The following GPATCH2 variants were observed in gnomAD, a reference collection of about 807,000 sequenced individuals.
The protein encoded by GPATCH2 is G patch domain-containing protein 2.
A neutral mutation model predicts 58.0 loss-of-function variants in GPATCH2; 51 were observed. The ratio of observed to expected loss-of-function variants is 0.88; its 90% CI spans 0.70 to 1.11. The LOEUF is 1.11. Among genes scored for constraint, GPATCH2 ranks in the 50% most tolerant of loss-of-function variants. GPATCH2 has a pLI of 0.00. For synonymous variants in GPATCH2, 222 were observed against 218.5 expected, an observed-to-expected ratio of 1.02 and a Z score of -0.14; for missense variants, 625 against 652.2, an observed-to-expected ratio of 0.96 and a Z score of 0.45.
chr1:217,538,355 A>G (rs1042348842), intron 5 of GPATCH2, among the ~76,000 whole-genome samples: 1 of 152,244 alleles, frequency 6.6e-6, no homozygotes, highest in African/African-American at 2.4e-5. Context: ...TAATGTCACT[A>G]AAATGATGTT....
intron 5 of GPATCH2, among the ~76,000 whole-genome samples, chr1:217,519,467 G>A (rs1663340471): frequency 6.6e-6 from 1 of 152,118 alleles, no homozygotes; most frequent in Non-Finnish European, 1.5e-5. Context: ...TCATTTATAA[G>A]ATTAAAAGGA....
chr1:217,614,215 AAAAG>A lies in GPATCH2; in HGVS notation c.774-17_774-14del, dbSNP rs765479532. The A allele has an allele frequency of 6.7e-7, 1 of 1,502,030 alleles. No homozygotes were observed. Among genetic ancestry groups the A allele is most frequent in the Admixed American group, 1.7e-5 (1 of 59,282 alleles). 93.0% of individuals were successfully genotyped at this position (1,502,030 alleles called of 1,614,324 possible). ...ACTGCTGGAATCACTGTAATAAGGAAAAAGAAAGAAACAGATCAAAAGAACAATT... is the reference window on the plus strand; with the variant it reads ...ACTGCTGGAATCACTGTAATAAGGAAAAAGAAACAGATCAAAAGAACAATT... On this transcript the variant is annotated splice_polypyrimidine_tract_variant and intron_variant, in intron 2 of 9. Coordinates refer to ENST00000366935, the MANE Select transcript of GPATCH2 (RefSeq NM_018040.5).
intron 5 of GPATCH2, among the ~76,000 whole-genome samples, chr1:217,571,703 C>CAAAAAAAAAAAAAAAAACA (rs1666551945): frequency 5.4e-5 from 4 of 73,740 alleles, no homozygotes; most frequent in Non-Finnish European, 7.5e-5. Context: ...AAAACGAAAC[C>CAAAAAAAAAAAAAAAAACA]AAAAAAAAAA....
At chr1:217,518,490 T>G (rs891816855) in intron 5 of GPATCH2, among the ~76,000 whole-genome samples, 14 of 152,226 alleles carry the variant, frequency 9.2e-5, no homozygotes, top group African/African-American at 3.4e-4. Context: ...AAGTTGGTTT[T>G]ATGTCTCATT....
intron 5 of GPATCH2, chr1:217,610,007 A>T: frequency 7.1e-7 from 1 of 1,410,312 alleles, no homozygotes; most frequent in South Asian, 1.7e-5. Flanking sequence ...GAAGAATACC[A>T]GTCCTCCAGC....
At chr1:217,543,520 C>T (rs7518995) in intron 5 of GPATCH2, among the ~76,000 whole-genome samples, 34,775 of 151,910 alleles carry the variant, frequency 0.23, 4,924 homozygotes, top group East Asian at 0.45. Flanking sequence ...CTGCCCGTCT[C>T]GGCCTCCCAA....
intron 5 of GPATCH2, among the ~76,000 whole-genome samples, chr1:217,584,115 C>A (rs1571962368): frequency 6.6e-6 from 1 of 151,534 alleles, no homozygotes. Flanking sequence ...AAATGCTATA[C>A]ATTAATAATA....
At chr1:217,433,788 C>A (rs369389619) in intron 9 of GPATCH2, among the ~76,000 whole-genome samples, 1 of 152,180 alleles carries the variant, frequency 6.6e-6, no homozygotes, top group African/African-American at 2.4e-5. Context: ...ATTGAACCAA[C>A]GGTGTATATT....
At chr1:217,524,009 TC>T (rs1286603085) in intron 5 of GPATCH2, among the ~76,000 whole-genome samples, 1 of 138,648 alleles carries the variant, frequency 7.2e-6, no homozygotes, top group East Asian at 2.2e-4. Context: ...GCTCCTCACT[TC>T]CCAGTAGGGG....
intron 8 of GPATCH2, among the ~76,000 whole-genome samples, chr1:217,475,345 A>T (rs1487481950): frequency 6.6e-6 from 1 of 152,182 alleles, no homozygotes. Context: ...AGGCTGAGGC[A>T]GGAGAATTGC....
chr1:217,585,814 T>C (rs1220616619), intron 5 of GPATCH2, among the ~76,000 whole-genome samples: 1 of 152,100 alleles, frequency 6.6e-6, no homozygotes, highest in Non-Finnish European at 1.5e-5. Flanking sequence ...ACAAACATCG[T>C]AGAGTATACT....
In GPATCH2 at chr1:217,461,809, C is replaced by T. The variant is rs75920604; in HGVS notation, c.1278-12472G>A. 5.6e-3 allele frequency among the ~76,000 whole-genome samples: 850 copies of T among 152,200 alleles called. 6 individuals are homozygous for T. The highest frequency in any genetic ancestry group is 0.019 in the African/African-American group (807 of 41,536). On this transcript the variant is annotated intron_variant, in intron 8 of 9. Coordinates refer to ENST00000366935, the MANE Select transcript of GPATCH2 (RefSeq NM_018040.5). ...CCTTTCTACATAATTTTGCATTTCA[C>T]TAACTGTAACTTTATGAAAAGAATG...
chr1:217,551,246 T>C (rs2102669414), intron 5 of GPATCH2, among the ~76,000 whole-genome samples: 1 of 152,196 alleles, frequency 6.6e-6, no homozygotes, highest in Non-Finnish European at 1.5e-5. Context: ...ACCGGCATTC[T>C]ATTTGATGCA....
chr1:217,603,741 G>T (rs1373633706), intron 5 of GPATCH2, among the ~76,000 whole-genome samples: 2 of 151,920 alleles, frequency 1.3e-5, no homozygotes. Context: ...TCCTGCTTCT[G>T]CCTCCCTAGT....
chr1:217,460,146 A>T (rs1388541231), intron 8 of GPATCH2, among the ~76,000 whole-genome samples: 1 of 152,194 alleles, frequency 6.6e-6, no homozygotes, highest in East Asian at 1.9e-4. Flanking sequence ...ACATAATGTA[A>T]TCCTCATAAA....
rs1266574945 is a variant in GPATCH2, at chr1:217,580,746, C to CTCAAGT, written c.1098+29574_1098+29575insACTTGA. Among the ~76,000 whole-genome samples the CTCAAGT allele has an allele frequency of 6.6e-3, 727 of 110,174 alleles. 61 individuals carry two copies. Among genetic ancestry groups the CTCAAGT allele is most frequent in the East Asian group, 0.047 (37 of 792 alleles). The allele number at this position is 110,174 out of a possible 152,430, so 72.3% of individuals were successfully genotyped here. ...TGGGAGCCCATTAGAAAGGCAGAAT[C>CTCAAGT]TCCTGTAATCCCAGCACTTTGGGAG... On this transcript the variant is annotated intron_variant, in intron 5 of 9. Coordinates refer to ENST00000366935, the MANE Select transcript of GPATCH2 (RefSeq NM_018040.5).
intron 5 of GPATCH2, among the ~76,000 whole-genome samples, chr1:217,555,111 CT>C (rs1337871735): frequency 6.6e-6 from 1 of 152,182 alleles, no homozygotes; most frequent in African/African-American, 2.4e-5. Flanking sequence ...CACATTCTCA[CT>C]GTTAATGGAT....
chr1:217,540,231 A>C (rs899309668), intron 5 of GPATCH2, among the ~76,000 whole-genome samples: 1 of 152,140 alleles, frequency 6.6e-6, no homozygotes, highest in East Asian at 1.9e-4. Flanking sequence ...GAAAGGAAGG[A>C]GGGAGGGAGG....
intron 5 of GPATCH2, among the ~76,000 whole-genome samples, chr1:217,521,925 G>C (rs955140213): frequency 1.3e-5 from 2 of 152,132 alleles, no homozygotes; most frequent in Admixed American, 1.3e-4. Context: ...TGCCAGCATT[G>C]CATTAAGTAG....
Sources: gnomAD v4.1 joint callset for allele counts (sites outside exome capture counted in the v4.1 genomes callset) on GRCh38, gnomAD v4.1.1 for gene constraint, MANE v1.5 for transcripts, NCBI Gene and HGNC (gene_info 2026-07-23, HGNC 2026-07-21) for gene names.